Variants in TDRD12 observed in about 807,000 individuals in gnomAD.
TDRD12 encodes the protein tudor domain containing 12, also known as putative ATP-dependent RNA helicase TDRD12.
A neutral mutation model predicts 133.5 loss-of-function variants in TDRD12; 158 were observed. That is an observed-to-expected ratio of 1.18 (90% CI 1.04 to 1.35). The LOEUF (loss-of-function observed/expected upper bound fraction) is 1.35. Ranked by LOEUF, TDRD12 falls within the 40% of genes most tolerant of loss-of-function variation. The pLI is 0.00. For synonymous variants in TDRD12, 460 were observed against 477.9 expected (o/e 0.96, Z 0.49); for missense variants, 1,443 against 1,321.3 (o/e 1.09, Z -1.43).
At chr19:32,753,883 A>G (rs1412862104) in intron 6 of TDRD12, among the ~76,000 whole-genome samples, 2 of 151,950 alleles carry the variant, frequency 1.3e-5, no homozygotes, top group African/African-American at 4.8e-5. Flanking sequence ...CAGTCTACGT[A>G]TTTGATTCAT....
At chr19:32,766,962 G>C (rs890536749) in intron 8 of TDRD12, among the ~76,000 whole-genome samples, 12 of 151,774 alleles carry the variant, frequency 7.9e-5, no homozygotes, top group African/African-American at 2.9e-4. Context: ...TTAGGGTTTA[G>C]AGTAAACATC....
At chr19:32,759,890 C>A (rs1484316295) in intron 8 of TDRD12, among the ~76,000 whole-genome samples, 2 of 152,232 alleles carry the variant, frequency 1.3e-5, no homozygotes, top group South Asian at 4.1e-4. Flanking sequence ...CTGGGAGTTA[C>A]TGAATGGGCC....
rs1021910600 is a variant in TDRD12, at chr19:32,757,218, G to A, written c.865+88G>A. On this transcript the variant is annotated intron_variant, in intron 8 of 27. Transcript: ENST00000444215. ...AAGATTAGAAAGGTTGTCTAGAAAGGCCATGGTAATTCTTTCTCTTTTCTT... is the reference window on the plus strand; with the variant it reads ...AAGATTAGAAAGGTTGTCTAGAAAGACCATGGTAATTCTTTCTCTTTTCTT... 3 of 1,075,326 alleles carry A rather than the reference G, an allele frequency of 2.8e-6. No homozygotes were observed. The Admixed American group carries it at 7.1e-5, about 25-fold the overall frequency. The allele number at this position is 1,075,326 out of a possible 1,614,324, so 66.6% of individuals were successfully genotyped here. A position where few individuals can be genotyped will look rare whatever the true frequency, so the allele number is the denominator to read the frequency against.
intron 26 of TDRD12, among the ~76,000 whole-genome samples, 184 bp downstream of exon 26, chr19:32,815,804 G>A (rs891755965): frequency 6.6e-6 from 1 of 152,142 alleles, no homozygotes. Flanking sequence ...GACCATCCTG[G>A]CCAACATGGT....
At chr19:32,730,097 C>T (rs1599828746) in intron 1 of TDRD12, among the ~76,000 whole-genome samples, 1 of 152,166 alleles carries the variant, frequency 6.6e-6, no homozygotes, top group Non-Finnish European at 1.5e-5. Flanking sequence ...GCTAAAACTG[C>T]GTATTTCTTT....
intron 4 of TDRD12, among the ~76,000 whole-genome samples, chr19:32,746,562 T>C (rs1969637936): frequency 6.8e-6 from 1 of 146,474 alleles, no homozygotes; most frequent in Non-Finnish European, 1.5e-5. Context: ...CTGATGTGGT[T>C]ATTCTGTGTG....
chr19:32,725,845 A>G (rs1486087355), intron 1 of TDRD12, among the ~76,000 whole-genome samples: 1 of 152,132 alleles, frequency 6.6e-6, no homozygotes, highest in Non-Finnish European at 1.5e-5. Context: ...ATCCGCGAGC[A>G]TGGAATGTTT....
intron 6 of TDRD12, among the ~76,000 whole-genome samples, chr19:32,752,893 T>C (rs1339849083): frequency 1.3e-5 from 2 of 149,816 alleles, no homozygotes; most frequent in African/African-American, 4.9e-5. Flanking sequence ...CCTGGGTTCA[T>C]GCCATTCTCC....
exon 17 of TDRD12, chr19:32,800,264 A>G: frequency 2.0e-6 from 3 of 1,535,300 alleles, no homozygotes; most frequent in Non-Finnish European, 2.6e-6. Context: ...CATTGGAACA[A>G]ACATATAGAA....
chr19:32,742,587 A>G (rs762404062), intron 3 of TDRD12, among the ~76,000 whole-genome samples, 194 bp from the exon 4 acceptor site: 4 of 151,924 alleles, frequency 2.6e-5, no homozygotes, highest in African/African-American at 7.3e-5. Flanking sequence ...TTTTTTTTCA[A>G]CCTCCCAAGA....
Position 32,723,397 on chromosome 19 carries a change from C to T in TDRD12, c.24+3301C>T, listed in dbSNP as rs570534290. ...TCCCAAGTAGCTGGGACTACAGGTG[C>T]CCGCCACCATGCCCGGCTAATTTTT... On this transcript the variant is annotated intron_variant, in intron 1 of 27. Transcript: ENST00000444215. Among the ~76,000 whole-genome samples, 48 of 151,914 alleles carry T rather than the reference C, an allele frequency of 3.2e-4. 1 individual carries two copies. The highest frequency in any genetic ancestry group is 6.8e-3 in the Middle Eastern group (2 of 294).
At position 32,773,454 on chromosome 19, in the gene TDRD12, A is replaced by G. The variant is rs1461422696; in HGVS notation, c.964-2A>G. 1.3e-6 allele frequency: 2 copies of G among 1,551,608 alleles called. No individual in the cohort carries two copies. The highest frequency in any genetic ancestry group is 8.7e-7 in the Non-Finnish European group (1 of 1,146,932). Reference sequence around the variant, plus strand: ...TTTCTGAAGAAAAGTTTTCTTTTACAGCGTGTTGAATCCTCAGTGTACTGG... The same window carrying G: ...TTTCTGAAGAAAAGTTTTCTTTTACGGCGTGTTGAATCCTCAGTGTACTGG... On this transcript the variant is annotated splice_acceptor_variant, in intron 9 of 27. Coordinates refer to ENST00000444215, the Ensembl canonical transcript of TDRD12. LOFTEE classifies it high-confidence loss of function.
intron 4 of TDRD12, among the ~76,000 whole-genome samples, chr19:32,743,988 A>G (rs1338434658): frequency 2.0e-5 from 3 of 149,144 alleles, no homozygotes; most frequent in East Asian, 2.0e-4. Context: ...AAATCGCACC[A>G]CTGCACTCCA....
chr19:32,798,234 T>A, intron 15 of TDRD12, 74 bp from the exon 16 acceptor site: 2 of 1,426,308 alleles, frequency 1.4e-6, no homozygotes, highest in Non-Finnish European at 1.9e-6. Context: ...AGAAAGTATG[T>A]GGACTCTTAG....
At chr19:32,810,136 G>A (rs773654859) in exon 23 of TDRD12, 229 of 1,530,028 alleles carry the variant, frequency 1.5e-4, no homozygotes, top group Non-Finnish European at 1.9e-4. Context: ...TACTTTGGCC[G>A]TATAGTTGAT....
exon 10 of TDRD12, chr19:32,828,025 C>T (rs573689432): frequency 1.3e-5 from 2 of 152,312 alleles, no homozygotes; most frequent in African/African-American, 4.8e-5. Context: ...CACTTAGACT[C>T]AGCAACTGTT....
chr19:32,806,065 CT>C (rs1248542262), intron 21 of TDRD12, among the ~76,000 whole-genome samples: 1 of 151,872 alleles, frequency 6.6e-6, no homozygotes, highest in East Asian at 1.9e-4. Flanking sequence ...CTGTTAGTGT[CT>C]TCAGAAACCT....
At chr19:32,729,713 C>G (rs1470669222) in intron 1 of TDRD12, among the ~76,000 whole-genome samples, 1 of 149,798 alleles carries the variant, frequency 6.7e-6, no homozygotes, top group Non-Finnish European at 1.5e-5. Context: ...TTTTTAAGTC[C>G]TCGCCTGTTA....
At chr19:32,796,263 G>A (rs183245544) in intron 14 of TDRD12, 22 of 817,762 alleles carry the variant, frequency 2.7e-5, no homozygotes, top group Admixed American at 6.2e-5. Flanking sequence ...TTTTCTAACC[G>A]TGCCATGCAG....
Sources: gnomAD v4.1 joint callset for allele counts (sites outside exome capture counted in the v4.1 genomes callset) on GRCh38, gnomAD v4.1.1 for gene constraint, MANE v1.5 for transcripts, NCBI Gene and HGNC (gene_info 2026-07-23, HGNC 2026-07-21) for gene names.